PTPN14: variants seen among roughly 807,000 people sequenced by gnomAD.
PTPN14 encodes the protein tyrosine-protein phosphatase non-receptor type 14.
PTPN14 carries 53 observed loss-of-function variants against 126.8 expected under a neutral mutation model. That is an observed-to-expected ratio of 0.42 (90% CI 0.34 to 0.53). The LOEUF (loss-of-function observed/expected upper bound fraction) is 0.53. Ranked by LOEUF, PTPN14 falls within the 20% of genes least tolerant of loss-of-function variation. The pLI, the probability that PTPN14 is intolerant of heterozygous loss-of-function variation, is 0.08. For missense variants in PTPN14, 1,257 were observed against 1,552.9 expected (o/e 0.81, Z 3.20); for synonymous variants, 630 against 599.3 (o/e 1.05, Z -0.75).
Position 214,548,229 on chromosome 1 carries a change from A to G in PTPN14, c.-155+2954T>C, listed in dbSNP as rs953626147. On this transcript the variant is annotated intron_variant, in intron 1 of 18. Transcript: ENST00000366956. The stretch of plus-strand genomic sequence containing the variant: ...GCAGCGCTAGAATTCCAACCTAGCT[A>G]TATTTCAAACTCCCAAACCTGGACC... 3.9e-5 allele frequency among the ~76,000 whole-genome samples: 6 copies of G among 152,200 alleles called. No homozygotes were observed. In the South Asian group the frequency reaches 1.2e-3, roughly 32 times the overall value.
chr1:214,469,306 G>T (rs375876827), intron 1 of PTPN14, among the ~76,000 whole-genome samples: 1 of 152,264 alleles, frequency 6.6e-6, no homozygotes, highest in South Asian at 2.1e-4. Context: ...TCACACAGGC[G>T]TAGAGTTCCA....
chr1:214,471,554 G>A (rs894096170), intron 1 of PTPN14, among the ~76,000 whole-genome samples: 2 of 150,458 alleles, frequency 1.3e-5, no homozygotes, highest in Admixed American at 6.6e-5. Context: ...CTCAAAGCAT[G>A]GCCAAGCAGT....
At chr1:214,430,090 T>C (rs1030412371) in intron 3 of PTPN14, among the ~76,000 whole-genome samples, 4 of 152,228 alleles carry the variant, frequency 2.6e-5, no homozygotes, top group Non-Finnish European at 5.9e-5. Context: ...GGGCTAACTG[T>C]GCTACGATTA....
At chr1:214,419,482 T>A (rs1391652075) in intron 3 of PTPN14, among the ~76,000 whole-genome samples, 1 of 152,160 alleles carries the variant, frequency 6.6e-6, no homozygotes, top group African/African-American at 2.4e-5. Context: ...AATTGTCCTG[T>A]CACTGTTATG....
At chr1:214,366,685 A>G (rs1274261897) in intron 17 of PTPN14, among the ~76,000 whole-genome samples, 1 of 152,204 alleles carries the variant, frequency 6.6e-6, no homozygotes, top group African/African-American at 2.4e-5. Flanking sequence ...TCCTAAAAGC[A>G]TAATACATAC....
chr1:214,526,352 A>C (rs551333038), intron 1 of PTPN14, among the ~76,000 whole-genome samples: 1 of 152,278 alleles, frequency 6.6e-6, no homozygotes, highest in African/African-American at 2.4e-5. Flanking sequence ...GTATACACAT[A>C]CCAACAGTAA....
At chr1:214,420,447 AT>A (rs1186778649) in intron 3 of PTPN14, among the ~76,000 whole-genome samples, 1 of 152,144 alleles carries the variant, frequency 6.6e-6, no homozygotes, top group Non-Finnish European at 1.5e-5. Context: ...GATTGCAATT[AT>A]TTCCTAAAAA....
intron 2 of PTPN14, among the ~76,000 whole-genome samples, chr1:214,459,627 G>T (rs540507699): frequency 6.6e-6 from 1 of 152,040 alleles, no homozygotes; most frequent in African/African-American, 2.4e-5. Context: ...GTGCCACCAC[G>T]CCCAGCTAAT....
intron 7 of PTPN14, among the ~76,000 whole-genome samples, chr1:214,398,925 C>A (rs963156267): frequency 1.3e-5 from 2 of 151,988 alleles, no homozygotes; most frequent in Admixed American, 1.3e-4. Flanking sequence ...CATGCCACCA[C>A]ACCTGGCTAA....
chr1:214,511,048 C>T (rs6665967), intron 1 of PTPN14, among the ~76,000 whole-genome samples: 51,201 of 151,328 alleles, frequency 0.34, 11,687 homozygotes, highest in African/African-American at 0.64. Context: ...CAAACTAAGT[C>T]TTTGGTTTTT....
chr1:214,536,394 C>G lies in PTPN14; in HGVS notation c.-155+14789G>C, dbSNP rs555490706. Among the ~76,000 whole-genome samples, 9 of 152,068 alleles carry G rather than the reference C, an allele frequency of 5.9e-5. No individual in the cohort carries two copies. The South Asian group carries it at 1.7e-3, about 28-fold the overall frequency. Reference sequence around the variant, plus strand: ...CTGCACTCCAGCCTGGGCAACAGAGCAAGACCTTGTCTTTAAAAAATTAAT... The same window carrying G: ...CTGCACTCCAGCCTGGGCAACAGAGGAAGACCTTGTCTTTAAAAAATTAAT... On this transcript the variant is annotated intron_variant, in intron 1 of 18. Transcript: ENST00000366956.
chr1:214,521,936 C>CTTTTTT (rs367888207), intron 1 of PTPN14, among the ~76,000 whole-genome samples: 2 of 99,924 alleles, frequency 2.0e-5, no homozygotes, highest in Admixed American at 1.1e-4. Context: ...AAATCTGAAG[C>CTTTTTT]TTTTTTTTTT....
chr1:214,484,261 A>C (rs1026921181), intron 1 of PTPN14, among the ~76,000 whole-genome samples: 1 of 152,148 alleles, frequency 6.6e-6, no homozygotes, highest in Non-Finnish European at 1.5e-5. Context: ...AAAATTAGCC[A>C]GGCATGGCAG....
chr1:214,387,688 A>AG (rs1252686209), intron 11 of PTPN14, among the ~76,000 whole-genome samples: 11 of 151,412 alleles, frequency 7.3e-5, no homozygotes, highest in East Asian at 1.9e-4. Context: ...AAAAAAAAAA[A>AG]AAAGAAAGAA....
At chr1:214,375,503 A>T (rs1658324256) in intron 15 of PTPN14, among the ~76,000 whole-genome samples, 1 of 152,236 alleles carries the variant, frequency 6.6e-6, no homozygotes, top group Non-Finnish European at 1.5e-5. Flanking sequence ...CTCTGTTAAC[A>T]GGGACTCTGA....
Position 214,426,218 on chromosome 1 carries a change from T to C in PTPN14, c.345-11492A>G, listed in dbSNP as rs538724790. On this transcript the variant is annotated intron_variant, in intron 3 of 18. Coordinates refer to ENST00000366956, the MANE Select transcript of PTPN14 (RefSeq NM_005401.5). ...CAAATGTGGCAACAACTGCCAGAGA[T>C]AAAATACCAAACCAGCAAACATCTC... Among the ~76,000 whole-genome samples, 46 of 151,966 alleles carry C rather than the reference T, an allele frequency of 3.0e-4. 1 individual carries two copies. Among genetic ancestry groups the C allele is most frequent in the Non-Finnish European group, 5.0e-4 (34 of 67,988 alleles).
chr1:214,492,008 G>A (rs375515466), intron 1 of PTPN14, among the ~76,000 whole-genome samples: 7 of 152,092 alleles, frequency 4.6e-5, no homozygotes, highest in South Asian at 2.1e-4. Flanking sequence ...CTGACTTGTC[G>A]CTTCCATTTT....
intron 4 of PTPN14, 97 bp downstream of exon 4, chr1:214,414,532 T>C: frequency 9.3e-7 from 1 of 1,076,190 alleles, no homozygotes; most frequent in East Asian, 2.4e-5. Context: ...TACTAAGGGA[T>C]CATTTAAGTA....
chr1:214,498,982 T>G (rs1017164470), intron 1 of PTPN14, among the ~76,000 whole-genome samples: 3 of 152,060 alleles, frequency 2.0e-5, no homozygotes, highest in Non-Finnish European at 4.4e-5. Flanking sequence ...CTAATTTTTT[T>G]ATTTTATAGA....
Sources: gnomAD v4.1 joint callset for allele counts (sites outside exome capture counted in the v4.1 genomes callset) on GRCh38, gnomAD v4.1.1 for gene constraint, MANE v1.5 for transcripts, NCBI Gene and HGNC (gene_info 2026-07-23, HGNC 2026-07-21) for gene names.